NUP107: variants seen among roughly 807,000 people sequenced by gnomAD.
NUP107 encodes nuclear pore complex protein Nup107.
A neutral mutation model predicts 141.0 loss-of-function variants in NUP107; 101 were observed. The ratio of observed to expected loss-of-function variants is 0.72; its 90% confidence interval spans 0.61 to 0.84. NUP107 has a LOEUF of 0.84. Among genes scored for constraint, NUP107 ranks in the 40% least tolerant of loss-of-function variants. NUP107 has a pLI of 0.00. For synonymous variants in NUP107, 319 were observed against 363.9 expected (o/e 0.88, Z 1.41); for missense variants, 941 against 1,102.7 (o/e 0.85, Z 2.08).
chr12:68,714,614 G>T (rs1877019886), intron 11 of NUP107, among the ~76,000 whole-genome samples: 1 of 152,128 alleles, frequency 6.6e-6, no homozygotes. Flanking sequence ...AGTAACATGT[G>T]GAGTAAGAAT....
intron 3 of NUP107, 56 bp from the exon 4 acceptor site, chr12:68,690,575 T>C (rs1875731781): frequency 1.9e-6 from 3 of 1,608,878 alleles, no homozygotes; most frequent in Non-Finnish European, 2.5e-6. Context: ...CTTACTTTGT[T>C]TTGATAATGA....
intron 20 of NUP107, among the ~76,000 whole-genome samples, chr12:68,728,676 CTG>C (rs1394968843): frequency 2.7e-5 from 4 of 149,704 alleles, no homozygotes; most frequent in Non-Finnish European, 4.4e-5. Context: ...TCCCAAAGAG[CTG>C]GGATTACAGG....
intron 12 of NUP107, among the ~76,000 whole-genome samples, chr12:68,717,718 A>G (rs914617800): frequency 2.6e-5 from 4 of 152,114 alleles, no homozygotes; most frequent in Non-Finnish European, 5.9e-5. Flanking sequence ...TACTGTCTCT[A>G]TGATGTATAG....
intron 12 of NUP107, among the ~76,000 whole-genome samples, chr12:68,716,241 C>CTT (rs370681977): frequency 0.16 from 18,875 of 115,624 alleles, 2,625 homozygotes; most frequent in South Asian, 0.42. Context: ...TTCTTTCTTT[C>CTT]TTTCTTTTTT....
Position 68,715,737 on chromosome 12 carries a change from A to G in NUP107, c.1080A>G (p.Glu360=). 1 of 1,582,896 alleles carries G rather than the reference A, an allele frequency of 6.3e-7. No homozygotes were observed. Among genetic ancestry groups the G allele is most frequent in the Non-Finnish European group, 8.7e-7 (1 of 1,152,052 alleles). ...CTCTAATCCGTGCTGGAATGACAGA[A>G]GAGGTCAGTCATGTATACCCTTCTT... The part of the protein sequence containing the change: ...LFTLIRAGMT[E]EAQRLCKRCG... The change falls in exon 12 of 28, where the codon GAA becomes GAG. Residue 360 remains glutamate, a synonymous_variant. Transcript: ENST00000229179.
intron 22 of NUP107, 66 bp from the exon 23 acceptor site, chr12:68,732,571 T>G: frequency 2.2e-6 from 2 of 906,504 alleles, no homozygotes; most frequent in Non-Finnish European, 3.3e-6. Flanking sequence ...TTCTACTAAT[T>G]TGTAGAATAT....
At chr12:68,704,069 G>C (rs541398912) in intron 8 of NUP107, among the ~76,000 whole-genome samples, 1 of 152,068 alleles carries the variant, frequency 6.6e-6, no homozygotes, top group South Asian at 2.1e-4. Context: ...GTGAGATCCC[G>C]TTTCTAAAAA....
chr12:68,709,729 TA>T (rs1397676614), intron 9 of NUP107, among the ~76,000 whole-genome samples: 3 of 148,376 alleles, frequency 2.0e-5, no homozygotes, highest in Non-Finnish European at 1.5e-5. Context: ...CTACTAAAAA[TA>T]AAAAAAAAAT....
At chr12:68,689,395 T>G in intron 2 of NUP107, 138 bp from the exon 3 acceptor site, 1 of 592,528 alleles carries the variant, frequency 1.7e-6, no homozygotes, top group Non-Finnish European at 3.0e-6. Flanking sequence ...TATTTACCCT[T>G]TGCATTGAAA....
intron 26 of NUP107, among the ~76,000 whole-genome samples, chr12:68,739,090 C>T (rs948460142): frequency 2.0e-5 from 3 of 152,184 alleles, no homozygotes; most frequent in African/African-American, 4.8e-5. Context: ...AAGATAGGTG[C>T]ATGGATGACT....
intron 17 of NUP107, among the ~76,000 whole-genome samples, chr12:68,724,551 A>C (rs1029761712): frequency 6.6e-6 from 1 of 152,102 alleles, no homozygotes; most frequent in African/African-American, 2.4e-5. Flanking sequence ...CTGAAGCAGG[A>C]GGATCACTTG....
intron 26 of NUP107, among the ~76,000 whole-genome samples, chr12:68,737,898 T>C (rs982367660): frequency 3.9e-5 from 6 of 152,124 alleles, no homozygotes; most frequent in Non-Finnish European, 8.8e-5. Flanking sequence ...CCCAGCACTT[T>C]TGGGAGGCCG....
intron 1 of NUP107, among the ~76,000 whole-genome samples, chr12:68,687,928 A>G (rs951095627): frequency 6.6e-6 from 1 of 152,206 alleles, no homozygotes; most frequent in African/African-American, 2.4e-5. Flanking sequence ...GTGTGTCTCC[A>G]GCCTACCTGA....
chr12:68,737,065 A>G (rs1878106036), intron 26 of NUP107, among the ~76,000 whole-genome samples: 1 of 152,148 alleles, frequency 6.6e-6, no homozygotes, highest in Admixed American at 6.5e-5. Flanking sequence ...TAAACCTTCC[A>G]CAGGTTCCTC....
At chr12:68,690,459 A>T in intron 3 of NUP107, 172 bp from the exon 4 acceptor site, 2 of 886,520 alleles carry the variant, frequency 2.3e-6, no homozygotes, top group Non-Finnish European at 3.3e-6. Flanking sequence ...AATTTAGAAA[A>T]ATAAGTTAAA....
chr12:68,719,360 GCTGTGGT>G lies in NUP107; in HGVS notation c.1105_1111del (p.Cys369LysfsTer25). On this transcript the variant is annotated frameshift_variant, in exon 13 of 28. Transcript: ENST00000229179. LOFTEE classifies it high-confidence loss of function. ...TCTAAGGCACAACGACTCTGTAAAC[GCTGTGGT>G]CAAGCATGGAGAGCTGCAACACTTG... The G allele has an allele frequency of 6.2e-7, 1 of 1,614,020 alleles. No homozygotes were observed. The highest frequency in any genetic ancestry group is 8.5e-7 in the Non-Finnish European group (1 of 1,179,946).
At chr12:68,705,172 T>TA (rs1190434743) in intron 8 of NUP107, among the ~76,000 whole-genome samples, 6 of 152,222 alleles carry the variant, frequency 3.9e-5, no homozygotes, top group Non-Finnish European at 7.3e-5. Flanking sequence ...TTAATTTGTT[T>TA]ATCCCACAAA....
chr12:68,702,229 TCCA>T (rs1460561258), intron 7 of NUP107, among the ~76,000 whole-genome samples: 1 of 152,144 alleles, frequency 6.6e-6, no homozygotes, highest in Admixed American at 6.6e-5. Context: ...CCTCAAGTGA[TCCA>T]CCCACCTCGG....
chr12:68,713,900 C>T, intron 11 of NUP107, 92 bp downstream of exon 11: 1 of 975,372 alleles, frequency 1.0e-6, no homozygotes, highest in Non-Finnish European at 1.6e-6. Flanking sequence ...TTGTTTTGCT[C>T]TTCTAAAGGT....
Sources: allele counts gnomAD v4.1 joint callset (sites outside exome capture counted in the v4.1 genomes callset), GRCh38; gene constraint gnomAD v4.1.1; transcripts MANE v1.5; gene names NCBI Gene and HGNC (gene_info 2026-07-23, HGNC 2026-07-21).